The following CIMIP1 variants were observed in gnomAD, a reference collection of about 807,000 sequenced individuals.
CIMIP1 encodes the protein low in lung cancer 1.
At chr20:58,156,355 G>C in the CIMIP1 span, among the ~76,000 whole-genome samples, 12 of 152,174 alleles carry the variant, frequency 7.9e-5, no homozygotes, top group East Asian at 2.3e-3. Flanking sequence ...TAGGCGCAGG[G>C]AACAGCATGT....
chr20:58,151,495 C>T, the CIMIP1 span, among the ~76,000 whole-genome samples: 1 of 152,066 alleles, frequency 6.6e-6, no homozygotes. Flanking sequence ...CTCACTGCAA[C>T]CTCTGCCTCC....
chr20:58,158,563 C>T, the CIMIP1 span, among the ~76,000 whole-genome samples: 3 of 151,954 alleles, frequency 2.0e-5, no homozygotes, highest in East Asian at 1.9e-4. Context: ...GGCAGGAGAA[C>T]GACGTGAACC....
At chr20:58,150,929 C>G in the CIMIP1 span, 76 of 1,580,450 alleles carry the variant, frequency 4.8e-5, 1 homozygote, top group South Asian at 7.2e-4. Context: ...GAGCCCAGGG[C>G]CAGAGCTTGC....
chr20:58,153,475 G>C, the CIMIP1 span: 5 of 1,191,860 alleles, frequency 4.2e-6, no homozygotes, highest in African/African-American at 7.5e-5. Context: ...GTGGAGAATG[G>C]AAATGTCCCC....
chr20:58,152,784 G>C, the CIMIP1 span, among the ~76,000 whole-genome samples: 1 of 146,596 alleles, frequency 6.8e-6, no homozygotes, highest in African/African-American at 2.5e-5. Flanking sequence ...TTTTAATGTA[G>C]TTACTAGAAC....
the CIMIP1 span, chr20:58,153,482 C>T: frequency 8.1e-7 from 1 of 1,237,404 alleles, no homozygotes; most frequent in Non-Finnish European, 1.2e-6. Flanking sequence ...ATGGAAATGT[C>T]CCCCACAGAC....
At chr20:58,153,530 ACTTT>A in the CIMIP1 span, 3 of 1,611,934 alleles carry the variant, frequency 1.9e-6, no homozygotes, top group Non-Finnish European at 2.5e-6. Flanking sequence ...GCACTCAGGA[ACTTT>A]CTTTTTCAGG....
chr20:58,160,252 C>T, the CIMIP1 span, among the ~76,000 whole-genome samples: 1 of 152,172 alleles, frequency 6.6e-6, no homozygotes, highest in South Asian at 2.1e-4. Flanking sequence ...TGTGTATATA[C>T]AGATGCATTT....
the CIMIP1 span, among the ~76,000 whole-genome samples, chr20:58,152,350 A>T: frequency 6.6e-6 from 1 of 152,070 alleles, no homozygotes; most frequent in African/African-American, 2.4e-5. Flanking sequence ...TTGGCTACCT[A>T]ACACTTAAAT....
the CIMIP1 span, among the ~76,000 whole-genome samples, chr20:58,157,319 G>C: frequency 5.3e-5 from 8 of 152,170 alleles, no homozygotes; most frequent in Admixed American, 4.6e-4. Flanking sequence ...AGATGGGAAA[G>C]CTGAAGCTTA....
chr20:58,156,697 C>T, the CIMIP1 span, among the ~76,000 whole-genome samples: 5 of 152,156 alleles, frequency 3.3e-5, no homozygotes, highest in Non-Finnish European at 5.9e-5. Flanking sequence ...GATGCTCTCA[C>T]CTGAAGCCTG....
At chr20:58,152,675 T>TGGGG in the CIMIP1 span, among the ~76,000 whole-genome samples, 1 of 142,842 alleles carries the variant, frequency 7.0e-6, no homozygotes, top group Non-Finnish European at 1.5e-5. Context: ...TGAACCTAGA[T>TGGGG]TGTGCCATCG....
chr20:58,155,487 A>G, the CIMIP1 span: 8 of 1,614,008 alleles, frequency 5.0e-6, no homozygotes, highest in Middle Eastern at 1.6e-4. Flanking sequence ...TGTGAAGAAG[A>G]TCTCCCCACC....
the CIMIP1 span, chr20:58,155,440 C>T: frequency 6.4e-7 from 1 of 1,560,970 alleles, no homozygotes; most frequent in Non-Finnish European, 8.8e-7. Flanking sequence ...TCACGTAAGA[C>T]TTCCCATCTC....
the CIMIP1 span, among the ~76,000 whole-genome samples, chr20:58,157,501 C>T: frequency 1.3e-5 from 2 of 152,198 alleles, no homozygotes; most frequent in Admixed American, 6.5e-5. Context: ...TCAAACTACA[C>T]AGGCTGCTTT....
At chr20:58,155,955 G>C in the CIMIP1 span, among the ~76,000 whole-genome samples, 1 of 152,176 alleles carries the variant, frequency 6.6e-6, no homozygotes, top group African/African-American at 2.4e-5. Context: ...TGTGGTCTTG[G>C]GCAAGTGGCT....
the CIMIP1 span, chr20:58,153,690 A>G: frequency 1.7e-6 from 2 of 1,174,104 alleles, no homozygotes; most frequent in South Asian, 1.3e-5. Flanking sequence ...GAATGATTAC[A>G]AAGTCTATCA....
the CIMIP1 span, among the ~76,000 whole-genome samples, chr20:58,156,272 G>A: frequency 6.6e-6 from 1 of 152,204 alleles, no homozygotes; most frequent in African/African-American, 2.4e-5. Context: ...AGAGAGGGCG[G>A]GGTGGTCAGG....
At chr20:58,152,385 G>A in the CIMIP1 span, among the ~76,000 whole-genome samples, 1 of 151,608 alleles carries the variant, frequency 6.6e-6, no homozygotes, top group Non-Finnish European at 1.5e-5. Flanking sequence ...ATTGGGTTCA[G>A]CCGTTAAGTG....
Sources: gnomAD v4.1 joint callset for allele counts (sites outside exome capture counted in the v4.1 genomes callset) on GRCh38, gnomAD v4.1.1 for gene constraint, MANE v1.5 for transcripts, NCBI Gene and HGNC (gene_info 2026-07-23, HGNC 2026-07-21) for gene names.